JAZF1: variants seen among roughly 807,000 people sequenced by gnomAD.
JAZF1 encodes juxtaposed with another zinc finger protein 1.
In JAZF1, 8 loss-of-function variants were observed where a neutral mutation model predicts 26.4. The observed-to-expected ratio is 0.30, with a 90% CI of 0.18 to 0.55. The LOEUF (loss-of-function observed/expected upper bound fraction) is 0.55. Ranked by LOEUF, JAZF1 falls within the 20% of genes least tolerant of loss-of-function variation. JAZF1 has a pLI of 0.94. For missense variants in JAZF1, 199 were observed against 322.0 expected, an observed-to-expected ratio of 0.62 and a Z score of 2.92; for synonymous variants, 126 against 122.3, an observed-to-expected ratio of 1.03 and a Z score of -0.20.
chr7:27,976,819 T>C (rs1234444134), intron 2 of JAZF1, among the ~76,000 whole-genome samples: 1 of 152,204 alleles, frequency 6.6e-6, no homozygotes, highest in Middle Eastern at 3.2e-3. Flanking sequence ...TATGAGGCTA[T>C]GGCTGACTAA....
chr7:28,144,507 T>C (rs1470098573), intron 1 of JAZF1, among the ~76,000 whole-genome samples: 1 of 152,236 alleles, frequency 6.6e-6, no homozygotes, highest in African/African-American at 2.4e-5. Context: ...TCTCAGGCCC[T>C]GCCTGCCAAT....
chr7:27,846,005 C>G (rs190929749), intron 3 of JAZF1, among the ~76,000 whole-genome samples: 118 of 152,168 alleles, frequency 7.8e-4, no homozygotes, highest in Admixed American at 2.4e-3. Context: ...CACCCCTCCC[C>G]ATACGTTCCT....
intron 3 of JAZF1, among the ~76,000 whole-genome samples, chr7:27,891,156 T>C (rs1783969641): frequency 6.6e-6 from 1 of 152,240 alleles, no homozygotes; most frequent in African/African-American, 2.4e-5. Flanking sequence ...GATAATTTAA[T>C]CACATTTATT....
At chr7:27,989,073 A>G (rs1477209598) in intron 2 of JAZF1, among the ~76,000 whole-genome samples, 1 of 152,154 alleles carries the variant, frequency 6.6e-6, no homozygotes, top group Non-Finnish European at 1.5e-5. Flanking sequence ...ACAGCATGGT[A>G]CTGGTACCAA....
chr7:28,055,164 A>T (rs976787886), intron 1 of JAZF1, among the ~76,000 whole-genome samples: 8 of 147,054 alleles, frequency 5.4e-5, no homozygotes, highest in South Asian at 4.3e-4. Context: ...CAGGTGTTTT[A>T]AAAAAAAAAA....
chr7:28,097,003 G>A (rs183794337), intron 1 of JAZF1, among the ~76,000 whole-genome samples: 5 of 152,244 alleles, frequency 3.3e-5, no homozygotes, highest in African/African-American at 1.2e-4. Flanking sequence ...AATGAAAAGG[G>A]CACATGTGTA....
At chr7:28,129,984 C>T (rs1583576379) in intron 1 of JAZF1, among the ~76,000 whole-genome samples, 1 of 152,200 alleles carries the variant, frequency 6.6e-6, no homozygotes, top group Non-Finnish European at 1.5e-5. Flanking sequence ...AATGCCTAAA[C>T]AGGAACTACT....
intron 2 of JAZF1, among the ~76,000 whole-genome samples, chr7:27,951,423 G>C (rs960853306): frequency 2.0e-5 from 3 of 152,154 alleles, no homozygotes; most frequent in Admixed American, 2.0e-4. Flanking sequence ...GGCATTTGCT[G>C]CCACAGTGTA....
At position 27,888,257 on chromosome 7, in the gene JAZF1, G is replaced by C. The variant is rs185566832; in HGVS notation, c.385+6963C>G. On this transcript the variant is annotated intron_variant, in intron 3 of 4. Transcript: ENST00000283928. ...GAATTCATATCACAAAATTCAGTCA[G>C]GCTGAAGAATTTCACCTTTCTCCCC... Among the ~76,000 whole-genome samples the C allele has an allele frequency of 9.6e-3, 1,459 of 152,236 alleles. 8 individuals carry two copies. The highest frequency in any genetic ancestry group is 0.016 in the Non-Finnish European group (1,080 of 68,012).
chr7:27,939,548 C>T lies in JAZF1; in HGVS notation c.189-44132G>A, dbSNP rs74504888. On this transcript the variant is annotated intron_variant, in intron 2 of 4. Coordinates refer to ENST00000283928, the MANE Select transcript of JAZF1 (RefSeq NM_175061.4). ...GGGTGAGATGGCCCCTGTGCCCTGTCCCACCTGCCAGTTATCCATGGCCTC... is the reference window on the plus strand; with the variant it reads ...GGGTGAGATGGCCCCTGTGCCCTGTTCCACCTGCCAGTTATCCATGGCCTC... 3.0e-3 allele frequency among the ~76,000 whole-genome samples: 450 copies of T among 152,338 alleles called. 2 individuals are homozygous for T. The highest frequency in any genetic ancestry group is 8.9e-3 in the African/African-American group (372 of 41,584).
intron 1 of JAZF1, among the ~76,000 whole-genome samples, chr7:28,093,451 T>C (rs1005853403): frequency 6.6e-6 from 1 of 152,216 alleles, no homozygotes; most frequent in Non-Finnish European, 1.5e-5. Context: ...AATTACCCAG[T>C]CTTGGGATGT....
chr7:27,896,971 CATTT>C (rs1235145814), intron 2 of JAZF1, among the ~76,000 whole-genome samples: 1 of 152,204 alleles, frequency 6.6e-6, no homozygotes, highest in Non-Finnish European at 1.5e-5. Flanking sequence ...GGTAGGTACT[CATTT>C]ATCTTCAGAT....
At chr7:27,986,310 A>C (rs1785705072) in intron 2 of JAZF1, among the ~76,000 whole-genome samples, 1 of 152,214 alleles carries the variant, frequency 6.6e-6, no homozygotes, top group Non-Finnish European at 1.5e-5. Context: ...GCATTCCTAT[A>C]CACCAATAAC....
chr7:28,130,817 C>T (rs751219422), intron 1 of JAZF1, among the ~76,000 whole-genome samples: 6 of 152,094 alleles, frequency 3.9e-5, no homozygotes, highest in Non-Finnish European at 8.8e-5. Flanking sequence ...CACAATATTC[C>T]GCAACTTCCT....
chr7:27,867,018 T>G (rs1365301405), intron 3 of JAZF1, among the ~76,000 whole-genome samples: 1 of 152,196 alleles, frequency 6.6e-6, no homozygotes, highest in African/African-American at 2.4e-5. Flanking sequence ...GAGTGAGTAC[T>G]GTCTTTGTTG....
chr7:28,158,614 T>C (rs563134372), intron 1 of JAZF1, among the ~76,000 whole-genome samples: 86 of 152,272 alleles, frequency 5.6e-4, no homozygotes, highest in Non-Finnish European at 8.7e-4. Context: ...ATCAACGCAA[T>C]GCACAGCTCT....
chr7:28,157,354 G>A (rs1783202377), intron 1 of JAZF1, among the ~76,000 whole-genome samples: 1 of 152,166 alleles, frequency 6.6e-6, no homozygotes, highest in African/African-American at 2.4e-5. Flanking sequence ...TGGCTTTGTG[G>A]GCCCTATCAG....
intron 1 of JAZF1, among the ~76,000 whole-genome samples, chr7:28,030,084 G>A (rs1454698643): frequency 6.6e-6 from 1 of 152,248 alleles, no homozygotes; most frequent in East Asian, 1.9e-4. Context: ...TCTGCAGGCG[G>A]TGCCCCTCTA....
intron 1 of JAZF1, among the ~76,000 whole-genome samples, chr7:28,114,051 C>G (rs2127934593): frequency 6.6e-6 from 1 of 152,282 alleles, no homozygotes; most frequent in East Asian, 1.9e-4. Context: ...TATTATTCTT[C>G]ATTTCTTTTT....
Sources: gnomAD v4.1 joint callset for allele counts (sites outside exome capture counted in the v4.1 genomes callset) on GRCh38, gnomAD v4.1.1 for gene constraint, MANE v1.5 for transcripts, NCBI Gene and HGNC (gene_info 2026-07-23, HGNC 2026-07-21) for gene names.